RANBP2: variants seen among roughly 807,000 people sequenced by gnomAD.
RANBP2 encodes the protein E3 SUMO-protein ligase RanBP2.
Under a neutral mutation model 303.6 loss-of-function variants are expected in RANBP2, and 57 were observed. The ratio of observed to expected loss-of-function variants is 0.19; its 90% CI spans 0.15 to 0.23. The LOEUF is 0.23. Among genes scored for constraint, RANBP2 ranks in the 10% least tolerant of loss-of-function variants. RANBP2 has a pLI of 1.00. For missense variants in RANBP2, 3,138 were observed against 3,780.8 expected, an observed-to-expected ratio of 0.83 and a Z score of 4.46; for synonymous variants, 1,167 against 1,301.5, an observed-to-expected ratio of 0.90 and a Z score of 2.23.
At chr2:109,543,937 C>A in the RANBP2 span, 1 of 551,186 alleles carries the variant, frequency 1.8e-6, no homozygotes, top group South Asian at 2.3e-5. Context: ...ATACATATAG[C>A]CTGAAAGTAA....
At chr2:108,788,234 C>T, downstream of RANBP2, 1 of 734,968 alleles carries the variant, frequency 1.4e-6, no homozygotes, top group South Asian at 2.0e-5. Flanking sequence ...CTCAGGCCAA[C>T]ATAGTGAAAT....
chr2:109,482,630 G>A, the RANBP2 span, among the ~76,000 whole-genome samples: 2 of 152,324 alleles, frequency 1.3e-5, no homozygotes, highest in Middle Eastern at 3.4e-3. Flanking sequence ...CTTCACCATC[G>A]TTTTGAGTGC....
chr2:108,932,639 A>G, the RANBP2 span, among the ~76,000 whole-genome samples: 4,537 of 152,098 alleles, frequency 0.03, 141 homozygotes, highest in African/African-American at 0.077. Context: ...CAAAAGACCA[A>G]GGGCCCTGTC....
At chr2:109,369,982 G>A in the RANBP2 span, among the ~76,000 whole-genome samples, 12,210 of 152,214 alleles carry the variant, frequency 0.08, 686 homozygotes, top group Non-Finnish European at 0.11. Context: ...GCCATCTCTT[G>A]GCCATCTCCT....
the RANBP2 span, among the ~76,000 whole-genome samples, chr2:109,337,784 G>A: frequency 6.6e-6 from 1 of 152,020 alleles, no homozygotes. Context: ...CTGGACTGCA[G>A]TGGCATAATC....
At chr2:109,068,152 G>A in the RANBP2 span, among the ~76,000 whole-genome samples, 2 of 152,236 alleles carry the variant, frequency 1.3e-5, no homozygotes, top group African/African-American at 4.8e-5. Flanking sequence ...TATCCATAGT[G>A]TGTATTCCCC....
chr2:109,513,463 G>GACACTCCACATGTAC, the RANBP2 span, among the ~76,000 whole-genome samples: 1 of 63,864 alleles, frequency 1.6e-5, no homozygotes, highest in African/African-American at 4.8e-5. Flanking sequence ...TGCACATATA[G>GACACTCCACATGTAC]ACACTCCACA....
chr2:109,072,365 T>C, the RANBP2 span, among the ~76,000 whole-genome samples: 3 of 152,196 alleles, frequency 2.0e-5, no homozygotes, highest in Admixed American at 6.5e-5. Flanking sequence ...GGCCAGAGGA[T>C]GCACTCACTC....
chr2:109,475,002 G>A, the RANBP2 span, among the ~76,000 whole-genome samples: 3 of 151,878 alleles, frequency 2.0e-5, no homozygotes, highest in Middle Eastern at 3.4e-3. Flanking sequence ...TTTTTGAGAC[G>A]GAGTCTCGCT....
the RANBP2 span, among the ~76,000 whole-genome samples, chr2:109,607,469 G>A: frequency 5.9e-5 from 9 of 152,074 alleles, no homozygotes; most frequent in African/African-American, 1.4e-4. Flanking sequence ...AGCAGAAATC[G>A]GTTCTTGGGA....
chr2:109,657,746 G>C, the RANBP2 span, among the ~76,000 whole-genome samples: 1 of 130,528 alleles, frequency 7.7e-6, no homozygotes, highest in Non-Finnish European at 1.6e-5. Context: ...TTGAGATGGA[G>C]TCTCACTCTG....
At chr2:108,873,380 G>T in the RANBP2 span, 2 of 1,335,596 alleles carry the variant, frequency 1.5e-6, no homozygotes, top group South Asian at 2.1e-5. Context: ...ACATAGTTCT[G>T]ATTTTAATTT....
intron 18 of RANBP2, among the ~76,000 whole-genome samples, chr2:108,760,213 G>A (rs2557908): frequency 6.6e-6 from 1 of 152,162 alleles, no homozygotes; most frequent in Non-Finnish European, 1.5e-5. Context: ...AAAACTAAAA[G>A]CTAACCACCT....
chr2:109,027,659 C>A, the RANBP2 span, among the ~76,000 whole-genome samples: 2 of 150,764 alleles, frequency 1.3e-5, no homozygotes, highest in South Asian at 2.1e-4. Flanking sequence ...TGGAAGGAAG[C>A]AGTGCTGCGT....
At chr2:108,941,755 C>T in the RANBP2 span, among the ~76,000 whole-genome samples, 1 of 152,218 alleles carries the variant, frequency 6.6e-6, no homozygotes, top group Non-Finnish European at 1.5e-5. Context: ...GTATTATGCT[C>T]GCACACAGAA....
the RANBP2 span, among the ~76,000 whole-genome samples, chr2:109,435,789 C>T: frequency 0.016 from 2,380 of 152,282 alleles, 43 homozygotes; most frequent in South Asian, 0.073. Context: ...ATGATTTCCT[C>T]GGGGAAAAGT....
chr2:108,810,174 A>G, the RANBP2 span, among the ~76,000 whole-genome samples: 1 of 152,184 alleles, frequency 6.6e-6, no homozygotes, highest in Non-Finnish European at 1.5e-5. Flanking sequence ...TACTTCTAGT[A>G]CCATGTTCAA....
the RANBP2 span, chr2:109,605,256 G>A: frequency 6.6e-6 from 1 of 152,074 alleles, no homozygotes; most frequent in Non-Finnish European, 1.5e-5. Context: ...GATCACCTGA[G>A]GTCAGGAGTT....
rs561141180 is a variant in RANBP2 at position 108,729,389 on chromosome 2, T to C, written c.140+190T>C. ...TGAGATTGAAACCGTAATTAGTGTT[T>C]TCTGCATGCTGCTGCTTTATACCAA... On this transcript the variant is annotated intron_variant, in intron 2 of 28. Coordinates refer to ENST00000283195, the MANE Select transcript of RANBP2 (RefSeq NM_006267.5). Among the ~76,000 whole-genome samples, 7 of 152,350 alleles carry C rather than the reference T, an allele frequency of 4.6e-5. No individual in the cohort carries two copies. In the South Asian group the frequency reaches 1.5e-3, roughly 32 times the overall value.
Sources: allele counts gnomAD v4.1 joint callset (sites outside exome capture counted in the v4.1 genomes callset), GRCh38; gene constraint gnomAD v4.1.1; transcripts MANE v1.5; gene names NCBI Gene and HGNC (gene_info 2026-07-23, HGNC 2026-07-21).